Variants in DCHS2 observed in about 807,000 individuals in gnomAD.
DCHS2 encodes the protein protocadherin-23.
DCHS2 carries 142 observed loss-of-function variants against 182.4 expected under a neutral mutation model. The ratio of observed to expected loss-of-function variants is 0.78; its 90% CI spans 0.68 to 0.89. The LOEUF is 0.89. Among genes scored for constraint, DCHS2 ranks in the 40% least tolerant of loss-of-function variants. The pLI, the probability that DCHS2 is intolerant of heterozygous loss-of-function variation, is 0.00. For synonymous variants in DCHS2, 1,740 were observed against 1,663.3 expected, an observed-to-expected ratio of 1.05 and a Z score of -1.12; for missense variants, 4,319 against 4,198.6, an observed-to-expected ratio of 1.03 and a Z score of -0.79.
intron 1 of DCHS2, among the ~76,000 whole-genome samples, chr4:154,482,232 T>A (rs760338875): frequency 6.6e-6 from 1 of 152,242 alleles, no homozygotes; most frequent in East Asian, 1.9e-4. Context: ...CAACCATTTC[T>A]TCTCATATGA....
At position 154,231,779 on chromosome 4, in the gene DCHS2, G is replaced by T. The variant is rs981654974; in HGVS notation, c.*2757C>A. On this transcript the variant is annotated 3_prime_UTR_variant, in exon 20 of 20. Coordinates refer to ENST00000357232, the MANE Select transcript of DCHS2 (RefSeq NM_001358235.2). The stretch of plus-strand genomic sequence containing the variant: ...AACACAAATCCTGTCTCAACTGGAC[G>T]TCTATTATAGATTGAATATGAATAC... 1.3e-5 allele frequency: 2 copies of T among 152,098 alleles called. No individual in the cohort carries two copies. The highest frequency in any genetic ancestry group is 2.4e-5 in the African/African-American group (1 of 41,414). 9.4% of individuals were successfully genotyped at this position (152,098 alleles called of 1,614,324 possible). A position where few individuals can be genotyped will look rare whatever the true frequency, so the allele number is the denominator to read the frequency against.
chr4:154,444,793 C>T (rs1008779989), intron 1 of DCHS2, among the ~76,000 whole-genome samples: 13 of 152,212 alleles, frequency 8.5e-5, no homozygotes, highest in Non-Finnish European at 1.8e-4. Context: ...CAAGGCAGGC[C>T]TCATATTGGC....
chr4:154,465,297 A>AG (rs890185669), intron 1 of DCHS2, among the ~76,000 whole-genome samples: 6 of 152,142 alleles, frequency 3.9e-5, no homozygotes, highest in African/African-American at 2.4e-5. Context: ...GGTTCACCAT[A>AG]GGGCTGCTCT....
At chr4:154,405,073 C>A (rs1385247145) in intron 1 of DCHS2, among the ~76,000 whole-genome samples, 1 of 151,804 alleles carries the variant, frequency 6.6e-6, no homozygotes, top group African/African-American at 2.4e-5. Context: ...ATGGTGAAAC[C>A]CCCTCTCCAC....
Position 154,424,027 on chromosome 4 carries a change from T to C in DCHS2, c.2053-46583A>G, listed in dbSNP as rs557556060. Among the ~76,000 whole-genome samples the C allele has an allele frequency of 2.7e-4, 41 of 152,334 alleles. No homozygotes were observed. The South Asian group carries it at 8.1e-3, about 30-fold the overall frequency. On this transcript the variant is annotated intron_variant, in intron 1 of 19. Transcript: ENST00000357232. ...TCAAATCATTTTTGATAAATTATTG[T>C]ACTTACAATATACATGGTAGGAGCT... is the stretch of plus-strand genomic sequence containing the variant.
intron 14 of DCHS2, chr4:154,268,921 C>T (rs2111200143): frequency 6.6e-6 from 1 of 152,192 alleles, no homozygotes; most frequent in East Asian, 1.9e-4. Context: ...GTCTGGATAG[C>T]CTGGGAAAAT....
Position 154,489,599 on chromosome 4 carries a change from G to A in DCHS2, c.1757C>T (p.Pro586Leu). Residue 586 changes from proline (P) to leucine (L), a missense_variant, in exon 1 of 20, where the codon CCC (proline) becomes CTC (leucine). Coordinates refer to ENST00000357232, the MANE Select transcript of DCHS2 (RefSeq NM_001358235.2). Reference sequence around the variant, plus strand: ...TGATTGCAGGGAGCCGAGATTGCAGGGAGCCGAGAGTTGGACTACAGTGTA... The same window carrying A: ...TGATTGCAGGGAGCCGAGATTGCAGAGAGCCGAGAGTTGGACTACAGTGTA... ...LRYTVVQLSA[P>L]CNLGSLQSKM... 1.3e-6 allele frequency: 2 copies of A among 1,550,630 alleles called. No individual in the cohort carries two copies. The highest frequency in any genetic ancestry group is 1.7e-6 in the Non-Finnish European group (2 of 1,146,184).
intron 1 of DCHS2, among the ~76,000 whole-genome samples, chr4:154,430,224 C>T (rs945601279): frequency 6.6e-6 from 1 of 152,124 alleles, no homozygotes; most frequent in African/African-American, 2.4e-5. Flanking sequence ...CATGTCAGTT[C>T]ATAAAATGCT....
chr4:154,430,213 T>C (rs1381928224), intron 1 of DCHS2, among the ~76,000 whole-genome samples: 1 of 152,206 alleles, frequency 6.6e-6, no homozygotes. Flanking sequence ...AAACCTGTTG[T>C]CATGTCAGTT....
At chr4:154,309,367 ACTTC>A (rs1735584006) in intron 10 of DCHS2, among the ~76,000 whole-genome samples, 1 of 152,122 alleles carries the variant, frequency 6.6e-6, no homozygotes, top group African/African-American at 2.4e-5. Context: ...AGAAAATGGG[ACTTC>A]CTTCTTCCTA....
At chr4:154,402,331 A>G (rs913388673) in intron 1 of DCHS2, among the ~76,000 whole-genome samples, 1 of 151,868 alleles carries the variant, frequency 6.6e-6, no homozygotes, top group African/African-American at 2.4e-5. Flanking sequence ...CCATCTCCCA[A>G]CCCCCAAATG....
intron 11 of DCHS2, 55 bp from the exon 12 acceptor site, chr4:154,304,933 T>TA (rs1735384942): frequency 6.5e-7 from 1 of 1,537,892 alleles, no homozygotes; most frequent in Admixed American, 2.1e-5. Context: ...ATACCTAAAA[T>TA]ATGTTGTTCT....
At chr4:154,311,362 G>T (rs926392158) in intron 10 of DCHS2, among the ~76,000 whole-genome samples, 4 of 152,044 alleles carry the variant, frequency 2.6e-5, no homozygotes, top group Admixed American at 2.6e-4. Flanking sequence ...TTCCTGAGTA[G>T]CTGAGACTAC....
chr4:154,419,821 C>CAA (rs369876828), intron 1 of DCHS2, among the ~76,000 whole-genome samples: 58,568 of 121,970 alleles, frequency 0.48, 14,686 homozygotes, highest in Middle Eastern at 0.66. Context: ...AGAACAAGAC[C>CAA]AAAAAAAAAA....
At chr4:154,482,942 T>C (rs1481931683) in intron 1 of DCHS2, among the ~76,000 whole-genome samples, 5 of 152,286 alleles carry the variant, frequency 3.3e-5, no homozygotes, top group Admixed American at 2.0e-4. Context: ...TTAAAGCGAA[T>C]GAGGTTGTGG....
At chr4:154,239,769 A>G (rs1731711672) in intron 18 of DCHS2, among the ~76,000 whole-genome samples, 1 of 152,184 alleles carries the variant, frequency 6.6e-6, no homozygotes, top group Non-Finnish European at 1.5e-5. Flanking sequence ...TCAGCCTCCC[A>G]AAGTGCTGGG....
In DCHS2 at chr4:154,429,963, G is replaced by A. The variant is rs573139268; in HGVS notation, c.2053-52519C>T. On this transcript the variant is annotated intron_variant, in intron 1 of 19. Transcript: ENST00000357232. ...ATTAACCCATGTCATGGTGGTGTAC[G>A]AATAAATGAGATAATATAAAGGGCT... Among the ~76,000 whole-genome samples the A allele has an allele frequency of 1.2e-4, 19 of 152,182 alleles. No homozygotes were observed. The South Asian group carries it at 3.3e-3, about 27-fold the overall frequency.
chr4:154,278,710 C>T (rs1042983302), intron 13 of DCHS2, among the ~76,000 whole-genome samples: 1 of 151,738 alleles, frequency 6.6e-6, no homozygotes, highest in African/African-American at 2.4e-5. Context: ...CAGTAGAGAT[C>T]AGAAGGGAGT....
chr4:154,476,047 G>C (rs756851526), intron 1 of DCHS2, among the ~76,000 whole-genome samples: 2 of 151,976 alleles, frequency 1.3e-5, no homozygotes, highest in Non-Finnish European at 2.9e-5. Context: ...AAAACAAGAG[G>C]AAATATATCT....
Sources: allele counts gnomAD v4.1 joint callset (sites outside exome capture counted in the v4.1 genomes callset), GRCh38; gene constraint gnomAD v4.1.1; transcripts MANE v1.5; gene names NCBI Gene and HGNC (gene_info 2026-07-23, HGNC 2026-07-21).